Variants in C6orf62 observed in about 807,000 individuals in gnomAD.
C6orf62 encodes uncharacterized protein C6orf62.
In C6orf62, 16 loss-of-function variants were observed where a neutral mutation model predicts 26.8. The ratio of observed to expected loss-of-function variants is 0.60; its 90% CI spans 0.40 to 0.91. The LOEUF (loss-of-function observed/expected upper bound fraction) is 0.91, where lower values mean the gene tolerates loss of function less well. Ranked by LOEUF, C6orf62 falls within the 40% of genes least tolerant of loss-of-function variation. C6orf62 has a pLI of 0.00. For synonymous variants in C6orf62, 112 were observed against 91.5 expected, an observed-to-expected ratio of 1.22 and a Z score of -1.28; for missense variants, 192 against 271.4, an observed-to-expected ratio of 0.71 and a Z score of 2.06.
At chr6:24,707,781 A>G (rs1026618524) in intron 4 of C6orf62, among the ~76,000 whole-genome samples, 38 of 152,034 alleles carry the variant, frequency 2.5e-4, no homozygotes, top group African/African-American at 8.7e-4. Flanking sequence ...AGGCAGGCAG[A>G]TCATGAGGTC....
At chr6:24,717,582 C>T (rs1439567611) in intron 1 of C6orf62, among the ~76,000 whole-genome samples, 1 of 152,152 alleles carries the variant, frequency 6.6e-6, no homozygotes, top group African/African-American at 2.4e-5. Context: ...TCACTTTAGC[C>T]CAGGAGTTCA....
In C6orf62 at chr6:24,718,893, C is replaced by A; in HGVS notation, c.-225G>T. The A allele has an allele frequency of 3.0e-6, 4 of 1,333,340 alleles. No individual in the cohort carries two copies. Among genetic ancestry groups the A allele is most frequent in the South Asian group, 3.6e-5 (2 of 55,912 alleles). The allele number at this position is 1,333,340 out of a possible 1,614,324, so 82.6% of individuals were successfully genotyped here. A position where few individuals can be genotyped will look rare whatever the true frequency, so the allele number is the denominator to read the frequency against. Reference sequence around the variant, plus strand: ...AAGCTGCTGTCCAGTCATGTTTGGACAATAACGTTTGGGGTCAGACGGGAA... The same window carrying A: ...AAGCTGCTGTCCAGTCATGTTTGGAAAATAACGTTTGGGGTCAGACGGGAA... On this transcript the variant is annotated 5_prime_UTR_variant, in exon 1 of 5. Transcript: ENST00000378119.
At chr6:24,714,295 C>G in intron 3 of C6orf62, 23 bp downstream of exon 3, 1 of 1,582,468 alleles carries the variant, frequency 6.3e-7, no homozygotes. Context: ...TTGAAATACT[C>G]ATCACACTTT....
Position 24,706,166 on chromosome 6 carries a change from C to A in C6orf62, c.661G>T (p.Asp221Tyr). The change falls in exon 5 of 5, where the codon GAT becomes TAT. Residue 221 changes from aspartate (D) to tyrosine (Y), a missense_variant. Coordinates refer to ENST00000378119, the MANE Select transcript of C6orf62 (RefSeq NM_030939.5). ...TCTGGCATATAAGGACGGAGGTGAT[C>A]CTCTATGGTGCCAACTGCCCAGTGG... ...LTHWAVGTIEDHLRPYMPE is the reference protein window; with the variant it reads ...LTHWAVGTIEYHLRPYMPE 6.2e-7 allele frequency: 1 copy of A among 1,614,210 alleles called. No homozygotes were observed. The highest frequency in any genetic ancestry group is 8.5e-7 in the Non-Finnish European group (1 of 1,180,036).
chr6:24,719,582 T>C (rs368086038), upstream of C6orf62: 4 of 1,353,884 alleles, frequency 3.0e-6, no homozygotes, highest in Non-Finnish European at 1.9e-6. Flanking sequence ...GGGTATATAA[T>C]ACGGTATTAA....
intron 4 of C6orf62, 47 bp downstream of exon 4, chr6:24,708,730 T>C (rs755872343): frequency 6.2e-7 from 1 of 1,611,350 alleles, no homozygotes; most frequent in Non-Finnish European, 8.5e-7. Flanking sequence ...TACTAACCAA[T>C]AAGTTTTTGA....
Position 24,718,710 on chromosome 6 carries a change from TA to T in C6orf62, c.-43del, listed in dbSNP as rs1779288965. 6.2e-7 allele frequency: 1 copy of T among 1,605,712 alleles called. No homozygotes were observed. On this transcript the variant is annotated 5_prime_UTR_variant, in exon 1 of 5. Transcript: ENST00000378119. ...TACTAAAGCCTTTGGAAATTGTCAC[TA>T]AACTATGGGCACTTTTTCTTAAGAC...
At chr6:24,719,642 C>A (rs1779313809), upstream of C6orf62, 15 of 1,441,270 alleles carry the variant, frequency 1.0e-5, no homozygotes, top group Non-Finnish European at 1.4e-5. Flanking sequence ...TTCCCAACAC[C>A]CCCAGCCTGC....
chr6:24,708,242 G>GT (rs1779050862), intron 4 of C6orf62, among the ~76,000 whole-genome samples: 2 of 112,962 alleles, frequency 1.8e-5, no homozygotes. Context: ...AAGGAGGTGG[G>GT]TTTTTTCCCG....
upstream of C6orf62, chr6:24,719,722 G>A: frequency 2.0e-6 from 3 of 1,514,324 alleles, no homozygotes; most frequent in Non-Finnish European, 8.9e-7. Flanking sequence ...TGGGGAGTGC[G>A]ATTTATCTTC....
chr6:24,714,586 A>C (rs115792793), intron 2 of C6orf62, 146 bp from the exon 3 acceptor site: 1 of 545,586 alleles, frequency 1.8e-6, no homozygotes, highest in East Asian at 3.2e-5. Context: ...GGAAGTAAAC[A>C]TAATAGTTTA....
rs1778969578 is a variant in C6orf62 at position 24,704,910 on chromosome 6, GTTTTCTTTTTCTTT to G, written c.*1213_*1226del. On this transcript the variant is annotated 3_prime_UTR_variant, in exon 5 of 5. Transcript: ENST00000378119. Reference sequence around the variant, plus strand: ...GGGAACTTTCACCTATTTTATTTAGGTTTTCTTTTTCTTTTTTTCTTTTTTTTTCAAATTCCAAC... The same window carrying G: ...GGGAACTTTCACCTATTTTATTTAGGTTTTCTTTTTTTTTCAAATTCCAAC... The G allele has an allele frequency of 6.6e-6, 1 of 152,104 alleles. No individual in the cohort carries two copies. The highest frequency in any genetic ancestry group is 1.5e-5 in the Non-Finnish European group (1 of 67,968). The allele number at this position is 152,104 out of a possible 1,614,324, so 9.4% of individuals were successfully genotyped here. A position where few individuals can be genotyped will look rare whatever the true frequency, so the allele number is the denominator to read the frequency against.
intron 3 of C6orf62, among the ~76,000 whole-genome samples, chr6:24,712,197 T>C (rs765085335): frequency 3.3e-5 from 5 of 151,584 alleles, no homozygotes; most frequent in Non-Finnish European, 7.4e-5. Context: ...CTGGCCAACA[T>C]AGCAAAACTC....
Position 24,714,444 on chromosome 6 carries a change from T to C in C6orf62, c.307-4A>G. The C allele has an allele frequency of 6.5e-7, 1 of 1,529,598 alleles. No homozygotes were observed. The highest frequency in any genetic ancestry group is 8.8e-7 in the Non-Finnish European group (1 of 1,140,712). 94.8% of individuals were successfully genotyped at this position (1,529,598 alleles called of 1,614,324 possible). ...CCTGAGTACAGCCAATTACATCCTA[T>C]AAAATGATTAAAAAAAAAAAAGTTT... is the stretch of plus-strand genomic sequence containing the variant. On this transcript the variant is annotated splice_region_variant and splice_polypyrimidine_tract_variant and intron_variant, in intron 2 of 4. Transcript: ENST00000378119.
At chr6:24,719,817 C>G, upstream of C6orf62, 2 of 1,543,188 alleles carry the variant, frequency 1.3e-6, no homozygotes, top group Non-Finnish European at 8.8e-7. Flanking sequence ...TCCACCCCCG[C>G]AGGTCCCACC....
Position 24,718,680 on chromosome 6 carries a change from G to A in C6orf62, c.-12C>T. On this transcript the variant is annotated 5_prime_UTR_variant, in exon 1 of 5. Transcript: ENST00000378119. ...TTTGGGTCCCCCATTTTGAAATACA[G>A]GTGGTACTAAAGCCTTTGGAAATTG... is the stretch of plus-strand genomic sequence containing the variant. 6.2e-7 allele frequency: 1 copy of A among 1,613,586 alleles called. No individual in the cohort carries two copies. The highest frequency in any genetic ancestry group is 8.5e-7 in the Non-Finnish European group (1 of 1,179,906).
chr6:24,719,155 CAAAAAAA>C (rs5875002), upstream of C6orf62: 70 of 877,352 alleles, frequency 8.0e-5, no homozygotes, highest in South Asian at 1.0e-3. Context: ...CCTTGCTTTC[CAAAAAAA>C]AAAAAAAAAA....
At position 24,708,895 on chromosome 6, in the gene C6orf62, T is replaced by A. The variant is rs539000261; in HGVS notation, c.446A>T (p.His149Leu). ...AAACTGTTTTTCATAGTCACCATGA[T>A]GAAACTCAAATTTGGCCTAATTACA... ...FRPVQAKFEF[H>L]HGDYEKQFLH... The change falls in exon 4 of 5, where the codon CAT becomes CTT. Residue 149 changes from histidine to leucine, a missense_variant. Coordinates refer to ENST00000378119, the MANE Select transcript of C6orf62 (RefSeq NM_030939.5). 2 of 1,614,122 alleles carry A rather than the reference T, an allele frequency of 1.2e-6. No individual in the cohort carries two copies. Among genetic ancestry groups the A allele is most frequent in the South Asian group, 2.2e-5 (2 of 91,064 alleles).
chr6:24,706,080 CAAG>C lies in C6orf62; in HGVS notation c.*54_*56del, dbSNP rs1434420143. 12 of 1,591,966 alleles carry C rather than the reference CAAG, an allele frequency of 7.5e-6. No individual in the cohort carries two copies. In the East Asian group the frequency reaches 2.0e-4, roughly 27 times the overall value. ...CTGAAAGAATAAAGTGGTAAGAAAA[CAAG>C]AAAAAAAACTGCTGCTGCATTCTCT... On this transcript the variant is annotated 3_prime_UTR_variant, in exon 5 of 5. Transcript: ENST00000378119.
Sources: gnomAD v4.1 joint callset for allele counts (sites outside exome capture counted in the v4.1 genomes callset) on GRCh38, gnomAD v4.1.1 for gene constraint, MANE v1.5 for transcripts, NCBI Gene and HGNC (gene_info 2026-07-23, HGNC 2026-07-21) for gene names.